Variants in TECPR2 observed in about 807,000 individuals in gnomAD.
TECPR2 encodes the protein tectonin beta-propeller repeat containing 2, also known as tectonin beta-propeller repeat-containing protein 2.
In TECPR2, 65 loss-of-function variants were observed where a neutral mutation model predicts 138.1. The ratio of observed to expected loss-of-function variants is 0.47; its 90% CI spans 0.39 to 0.58. TECPR2 has a LOEUF of 0.58. Among genes scored for constraint, TECPR2 ranks in the 20% least tolerant of loss-of-function variants. The probability of loss-of-function intolerance (pLI) is 0.00; values close to 1 mark genes in which losing one functional copy is unlikely to be tolerated. For synonymous variants in TECPR2, 746 were observed against 749.8 expected, an observed-to-expected ratio of 0.99 and a Z score of 0.08; for missense variants, 1,553 against 1,824.5, an observed-to-expected ratio of 0.85 and a Z score of 2.71.
In TECPR2 at chr14:102,498,206, G is replaced by A. The variant is rs2139804455; in HGVS notation, c.4185G>A (p.Gln1395=). 2 of 1,608,588 alleles carry A rather than the reference G, an allele frequency of 1.2e-6. No homozygotes were observed. The highest frequency in any genetic ancestry group is 1.7e-6 in the Non-Finnish European group (2 of 1,179,988). The part of the protein sequence containing the change: ...SHSHGTQKSS[Q]AAMPHPEDLE... ...CGCACGGCACCCAGAAGAGCAGCCA[G>A]GCCGCCATGCCCCACCCTGAGGACC... Residue 1395 remains glutamine (Q), a synonymous_variant, in exon 20 of 20, where the codon CAG becomes CAA. Coordinates refer to ENST00000359520, the MANE Select transcript of TECPR2 (RefSeq NM_014844.5).
chr14:102,499,011 CACCGT>C lies in TECPR2; in HGVS notation c.*758_*762del, dbSNP rs1373055811. 3.2e-5 allele frequency: 22 copies of C among 697,044 alleles called. No individual in the cohort carries two copies. Among genetic ancestry groups the C allele is most frequent in the Middle Eastern group, 2.3e-4 (1 of 4,366 alleles). 43.2% of individuals were successfully genotyped at this position (697,044 alleles called of 1,614,324 possible). The stretch of plus-strand genomic sequence containing the variant: ...CACCGCACTGCACCGCACCGCACCG[CACCGT>C]ACCTCGCCACATCTCACCACACCAC... On this transcript the variant is annotated 3_prime_UTR_variant, in exon 20 of 20. Coordinates refer to ENST00000359520, the MANE Select transcript of TECPR2 (RefSeq NM_014844.5).
At chr14:102,411,548 C>A in intron 4 of TECPR2, among the ~76,000 whole-genome samples, 1 of 151,572 alleles carries the variant, frequency 6.6e-6, no homozygotes, top group Non-Finnish European at 1.5e-5. Flanking sequence ...GCGACCCCTG[C>A]CCCTGTCCAC....
intron 1 of TECPR2, among the ~76,000 whole-genome samples, chr14:102,374,915 G>C (rs755832496): frequency 6.6e-6 from 1 of 152,202 alleles, no homozygotes; most frequent in African/African-American, 2.4e-5. Flanking sequence ...TTCTCCCTGC[G>C]GGGGGAAGAG....
At chr14:102,464,732 T>C (rs1189039300) in intron 16 of TECPR2, among the ~76,000 whole-genome samples, 2 of 152,192 alleles carry the variant, frequency 1.3e-5, no homozygotes, top group Non-Finnish European at 2.9e-5. Flanking sequence ...ACGAGTTCCC[T>C]CTCTCCAAAT....
intron 17 of TECPR2, among the ~76,000 whole-genome samples, chr14:102,493,411 G>A (rs1891200775): frequency 6.6e-6 from 1 of 152,126 alleles, no homozygotes; most frequent in South Asian, 2.1e-4. Context: ...CAGCTGGCAG[G>A]CCTCTCCCCT....
chr14:102,375,436 C>T (rs77241259), intron 1 of TECPR2, among the ~76,000 whole-genome samples: 2 of 152,144 alleles, frequency 1.3e-5, no homozygotes, highest in East Asian at 1.9e-4. Flanking sequence ...AAATCAAGTA[C>T]GGCCTCATGA....
chr14:102,372,259 A>G (rs188187379), intron 1 of TECPR2, among the ~76,000 whole-genome samples: 382 of 149,012 alleles, frequency 2.6e-3, no homozygotes, highest in South Asian at 0.012. Flanking sequence ...CTGCCTTTGT[A>G]CTTTTCTTTT....
chr14:102,459,069 A>G (rs1272953492), intron 16 of TECPR2, among the ~76,000 whole-genome samples: 2 of 151,566 alleles, frequency 1.3e-5, no homozygotes, highest in South Asian at 2.1e-4. Flanking sequence ...GCAGAGACCA[A>G]TTGCTTGGTG....
At chr14:102,386,023 A>T (rs891831727) in intron 2 of TECPR2, among the ~76,000 whole-genome samples, 2 of 152,298 alleles carry the variant, frequency 1.3e-5, no homozygotes, top group African/African-American at 4.8e-5. Context: ...AAAACTTTTT[A>T]AATCTAAAAT....
intron 17 of TECPR2, among the ~76,000 whole-genome samples, chr14:102,482,056 C>T (rs75477485): frequency 1.0e-4 from 14 of 140,588 alleles, no homozygotes; most frequent in Admixed American, 7.1e-5. Context: ...AGTTTTTTTT[C>T]TTTTTTTTTT....
intron 13 of TECPR2, among the ~76,000 whole-genome samples, chr14:102,448,195 A>G (rs1890039481): frequency 6.6e-6 from 1 of 150,798 alleles, no homozygotes; most frequent in African/African-American, 2.4e-5. Context: ...CCTGACCTCA[A>G]GTAATCCACC....
chr14:102,383,770 A>T (rs1887906234), intron 2 of TECPR2, among the ~76,000 whole-genome samples: 1 of 152,100 alleles, frequency 6.6e-6, no homozygotes, highest in South Asian at 2.1e-4. Flanking sequence ...AAACTAAAAA[A>T]CAAATACTAA....
At chr14:102,392,631 G>A (rs369860879) in intron 2 of TECPR2, among the ~76,000 whole-genome samples, 7 of 152,070 alleles carry the variant, frequency 4.6e-5, no homozygotes, top group African/African-American at 1.4e-4. Context: ...GGGTTGTTCA[G>A]TGCTGTTATG....
intron 5 of TECPR2, among the ~76,000 whole-genome samples, chr14:102,421,692 T>C (rs1327955904): frequency 2.0e-5 from 3 of 152,214 alleles, no homozygotes; most frequent in Non-Finnish European, 4.4e-5. Context: ...TGAGCACTTA[T>C]GGGGACTTAG....
intron 13 of TECPR2, among the ~76,000 whole-genome samples, chr14:102,448,118 A>G (rs75646050): frequency 0.027 from 4,147 of 152,150 alleles, 77 homozygotes; most frequent in Middle Eastern, 0.088. Flanking sequence ...ATATACATGT[A>G]AAAATATACA....
chr14:102,484,991 G>A (rs1285448422), intron 17 of TECPR2, among the ~76,000 whole-genome samples: 1 of 152,204 alleles, frequency 6.6e-6, no homozygotes, highest in African/African-American at 2.4e-5. Context: ...TCCCTCTCAT[G>A]GTAGTGGTGC....
At chr14:102,393,167 T>C (rs547329090) in intron 2 of TECPR2, among the ~76,000 whole-genome samples, 1 of 152,248 alleles carries the variant, frequency 6.6e-6, no homozygotes, top group East Asian at 1.9e-4. Flanking sequence ...CTGTTTTAGT[T>C]TGGGGGCATT....
At chr14:102,427,862 G>A (rs758085555) in intron 6 of TECPR2, among the ~76,000 whole-genome samples, 5 of 152,176 alleles carry the variant, frequency 3.3e-5, no homozygotes, top group African/African-American at 7.2e-5. Context: ...CAGAGGTGGC[G>A]TCTGGAGAGA....
chr14:102,405,405 A>G (rs929747070), intron 2 of TECPR2, among the ~76,000 whole-genome samples: 2 of 152,214 alleles, frequency 1.3e-5, no homozygotes, highest in African/African-American at 4.8e-5. Flanking sequence ...GAAGGTAAAC[A>G]AATGACCAAT....
Sources: allele counts gnomAD v4.1 joint callset (sites outside exome capture counted in the v4.1 genomes callset), GRCh38; gene constraint gnomAD v4.1.1; transcripts MANE v1.5; gene names NCBI Gene and HGNC (gene_info 2026-07-23, HGNC 2026-07-21).